The following MYLK variants were observed in gnomAD, a reference collection of about 807,000 sequenced individuals.
MYLK encodes myosin light chain kinase.
In MYLK, 106 loss-of-function variants were observed where a neutral mutation model predicts 203.4. The ratio of observed to expected loss-of-function variants is 0.52; its 90% CI spans 0.45 to 0.61. The LOEUF is 0.61. Among genes scored for constraint, MYLK ranks in the 20% least tolerant of loss-of-function variants. MYLK has a pLI of 0.00. For synonymous variants in MYLK, 867 were observed against 959.5 expected (o/e 0.90, Z 1.78); for missense variants, 2,072 against 2,442.3 (o/e 0.85, Z 3.20).
chr3:123,872,975 C>G (rs1179869392), intron 2 of MYLK, among the ~76,000 whole-genome samples: 2 of 152,086 alleles, frequency 1.3e-5, no homozygotes, highest in African/African-American at 2.4e-5. Context: ...TATATAGGGG[C>G]TCACCAAGTG....
At chr3:123,741,461 G>T (rs1476064798) in intron 5 of MYLK, among the ~76,000 whole-genome samples, 1 of 152,176 alleles carries the variant, frequency 6.6e-6, no homozygotes, top group African/African-American at 2.4e-5. Flanking sequence ...AAAAGTAAAA[G>T]AACTTCTAAA....
At chr3:123,660,265 A>G (rs1247682076) in intron 23 of MYLK, among the ~76,000 whole-genome samples, 1 of 152,256 alleles carries the variant, frequency 6.6e-6, no homozygotes, top group African/African-American at 2.4e-5. Flanking sequence ...AATGAGCTCA[A>G]GAAGGCATCT....
chr3:123,813,384 G>A (rs2065626439), intron 3 of MYLK, among the ~76,000 whole-genome samples: 1 of 152,102 alleles, frequency 6.6e-6, no homozygotes, highest in Non-Finnish European at 1.5e-5. Flanking sequence ...GGGCAGCTTG[G>A]GAATAATTAC....
chr3:123,754,206 A>G (rs922371314), intron 4 of MYLK, among the ~76,000 whole-genome samples: 5 of 152,168 alleles, frequency 3.3e-5, no homozygotes, highest in Admixed American at 6.5e-5. Flanking sequence ...ATTTCTTCCT[A>G]AGGAAGGAAG....
intron 4 of MYLK, among the ~76,000 whole-genome samples, chr3:123,788,676 G>C (rs947189500): frequency 6.6e-6 from 1 of 151,940 alleles, no homozygotes; most frequent in African/African-American, 2.4e-5. Context: ...TTGGGAGACA[G>C]ATACACTATT....
chr3:123,879,153 G>A (rs2033351821), intron 1 of MYLK, among the ~76,000 whole-genome samples: 1 of 152,196 alleles, frequency 6.6e-6, no homozygotes, highest in Non-Finnish European at 1.5e-5. Flanking sequence ...GTCTTCTACG[G>A]GCCTCTGGGC....
intron 28 of MYLK, chr3:123,639,124 A>G: frequency 2.2e-6 from 2 of 913,066 alleles, no homozygotes; most frequent in Non-Finnish European, 2.6e-6. Flanking sequence ...GACACTGCCG[A>G]CTCCTGAGGA....
chr3:123,627,041 G>A (rs2058181788), intron 30 of MYLK, 100 bp from the exon 31 acceptor site: 3 of 1,384,866 alleles, frequency 2.2e-6, no homozygotes, highest in Non-Finnish European at 3.0e-6. Context: ...GGTCATGAGG[G>A]CAGAGCCCAG....
At chr3:123,714,781 A>G (rs1263514311) in intron 13 of MYLK, among the ~76,000 whole-genome samples, 3 of 152,188 alleles carry the variant, frequency 2.0e-5, no homozygotes, top group African/African-American at 7.2e-5. Flanking sequence ...GTATTAGCCA[A>G]TTCACTCCTG....
At chr3:123,808,119 C>T (rs2065434981) in intron 3 of MYLK, among the ~76,000 whole-genome samples, 1 of 152,240 alleles carries the variant, frequency 6.6e-6, no homozygotes, top group Non-Finnish European at 1.5e-5. Context: ...CAGCCCGGCT[C>T]TTCCTCCAGC....
rs776506361 is a variant in MYLK at position 123,733,770 on chromosome 3, C to T, written c.1226G>A (p.Arg409Lys). The change falls in exon 10 of 34, where the codon AGG (arginine) becomes AAG (lysine). Residue 409 changes from arginine to lysine, a missense_variant. Arg to Lys is a conservative substitution (Grantham distance 26, BLOSUM62 2). Transcript: ENST00000360304. ...CTCAAATTTGGGGAATGCTGAATCC[C>T]TCTGGCCCTCCATGGGGATTCTCCT... ...ANRRIPMEGQ[R>K]DSAFPKFESK... 1.2e-6 allele frequency: 2 copies of T among 1,614,240 alleles called. No individual in the cohort carries two copies. The highest frequency in any genetic ancestry group is 3.3e-5 in the Admixed American group (2 of 60,032).
chr3:123,688,176 G>A (rs1041387526), intron 19 of MYLK, among the ~76,000 whole-genome samples: 8 of 151,988 alleles, frequency 5.3e-5, no homozygotes, highest in African/African-American at 1.9e-4. Context: ...CCCCAGGGCA[G>A]TGAATGGCCT....
intron 31 of MYLK, chr3:123,621,855 C>T (rs1220714176): frequency 3.3e-5 from 5 of 152,504 alleles, no homozygotes; most frequent in Non-Finnish European, 5.9e-5. Flanking sequence ...CACGCAGCCC[C>T]AGGTGGAGGT....
intron 29 of MYLK, among the ~76,000 whole-genome samples, chr3:123,634,867 T>C (rs180873821): frequency 1.3e-5 from 2 of 152,326 alleles, no homozygotes; most frequent in East Asian, 3.9e-4. Flanking sequence ...TCTCTGGTAT[T>C]CTCACTTCCT....
chr3:123,740,362 C>T (rs1260282111), intron 5 of MYLK, among the ~76,000 whole-genome samples: 2 of 152,306 alleles, frequency 1.3e-5, no homozygotes, highest in South Asian at 2.1e-4. Context: ...TAGGGTAGTA[C>T]GCTCTACCTT....
chr3:123,840,349 T>C (rs1370575098), intron 2 of MYLK, among the ~76,000 whole-genome samples: 1 of 137,474 alleles, frequency 7.3e-6, no homozygotes, highest in African/African-American at 2.8e-5. Flanking sequence ...ATAGAGAACA[T>C]CACTACAAAT....
chr3:123,617,485 G>C (rs2057570591), intron 33 of MYLK: 1 of 152,208 alleles, frequency 6.6e-6, no homozygotes, highest in African/African-American at 2.4e-5. Context: ...GCGAAGCATT[G>C]ATAAGGCACT....
chr3:123,647,252 T>C lies in MYLK; in HGVS notation c.4591A>G (p.Lys1531Glu). 1 of 1,614,206 alleles carries C rather than the reference T, an allele frequency of 6.2e-7. No individual in the cohort carries two copies. Among genetic ancestry groups the C allele is most frequent in the South Asian group, 1.1e-5 (1 of 91,086 alleles). The change falls in exon 27 of 34, where the codon AAG becomes GAG. Residue 1531 changes from lysine to glutamate, a missense_variant. By Grantham distance (56) the Lys-to-Glu change is moderately conservative. Around this residue, in one of 3 missense-constraint regions of MYLK, gnomAD observed 524 missense variants for 782.4 expected, o/e 0.67. Coordinates refer to ENST00000360304, the MANE Select transcript of MYLK (RefSeq NM_053025.4). The stretch of plus-strand genomic sequence containing the variant: ...TCCAGGACCATGACGATGTTGGCCT[T>C]TTCTTCAAAGGCATCCACACACTGG... Reference protein sequence around the residue: ...LVQCVDAFEEKANIVMVLEIV... With the variant: ...LVQCVDAFEEEANIVMVLEIV...
Position 123,666,362 on chromosome 3 carries a change from G to C in MYLK, c.3704-16C>G, listed in dbSNP as rs549545788. The C allele has an allele frequency of 1.9e-6, 3 of 1,614,154 alleles. No individual in the cohort carries two copies. The highest frequency in any genetic ancestry group is 2.2e-5 in the South Asian group (2 of 91,074). On this transcript the variant is annotated splice_polypyrimidine_tract_variant and intron_variant, in intron 21 of 33. Transcript: ENST00000360304. ...GGGGGCATTGCTGAGGGAGGACAGGGAGAAAGTGAGCGAGGCAGAAGGGTC... is the reference window on the plus strand; with the variant it reads ...GGGGGCATTGCTGAGGGAGGACAGGCAGAAAGTGAGCGAGGCAGAAGGGTC...
Sources: allele counts gnomAD v4.1 joint callset (sites outside exome capture counted in the v4.1 genomes callset), GRCh38; gene constraint gnomAD v4.1.1; regional missense constraint gnomAD v4.1.1; transcripts MANE v1.5; gene names NCBI Gene and HGNC (gene_info 2026-07-23, HGNC 2026-07-21).